RHOT1: variants seen among roughly 807,000 people sequenced by gnomAD.
The protein encoded by RHOT1 is mitochondrial Rho GTPase 1.
RHOT1 carries 27 observed loss-of-function variants against 95.3 expected under a neutral mutation model. The ratio of observed to expected loss-of-function variants is 0.28; its 90% confidence interval spans 0.21 to 0.39. RHOT1 has a LOEUF of 0.39. RHOT1 is among the 10% of genes least tolerant of loss of function. The pLI is 1.00. For synonymous variants in RHOT1, 227 were observed against 263.5 expected (o/e 0.86, Z 1.34); for missense variants, 578 against 786.7 (o/e 0.73, Z 3.17).
intron 19 of RHOT1, among the ~76,000 whole-genome samples, chr17:32,223,794 G>C (rs554238595): frequency 1.1e-4 from 16 of 152,276 alleles, no homozygotes; most frequent in Non-Finnish European, 1.8e-4. Context: ...AAAATGTTCT[G>C]ACCTTTTCTT....
intron 8 of RHOT1, among the ~76,000 whole-genome samples, chr17:32,183,877 G>T (rs1488581998): frequency 6.6e-6 from 1 of 152,018 alleles, no homozygotes; most frequent in Non-Finnish European, 1.5e-5. Context: ...GTAGAGACAG[G>T]GTTTCACCAT....
chr17:32,189,245 G>T (rs1310869737), intron 8 of RHOT1, among the ~76,000 whole-genome samples: 1 of 152,120 alleles, frequency 6.6e-6, no homozygotes, highest in Non-Finnish European at 1.5e-5. Context: ...CTTGCAGTGA[G>T]CCGAGATCGT....
chr17:32,180,693 A>T lies in RHOT1; in HGVS notation c.330-2064A>T, dbSNP rs540666121. Among the ~76,000 whole-genome samples, 190 of 145,802 alleles carry T rather than the reference A, an allele frequency of 1.3e-3. 2 individuals are homozygous for T. The highest frequency in any genetic ancestry group is 0.01 in the Middle Eastern group (3 of 294). On this transcript the variant is annotated intron_variant, in intron 6 of 19. Coordinates refer to ENST00000545287, the MANE Select transcript of RHOT1 (RefSeq NM_001033566.3). ...AATAATAAATGCTTATTTTTGTTTT[A>T]AGCCAAAAAAAAAAAAAAAAAAAAG...
At chr17:32,215,068 G>A (rs537460587) in intron 19 of RHOT1, among the ~76,000 whole-genome samples, 8 of 151,714 alleles carry the variant, frequency 5.3e-5, no homozygotes, top group African/African-American at 1.5e-4. Flanking sequence ...CACTTTGCCC[G>A]GCTAATTTTT....
At chr17:32,220,476 C>A (rs1039209443) in intron 19 of RHOT1, among the ~76,000 whole-genome samples, 1 of 152,104 alleles carries the variant, frequency 6.6e-6, no homozygotes, top group Non-Finnish European at 1.5e-5. Flanking sequence ...CCTTATAACA[C>A]GTGTGAAAAA....
chr17:32,149,915 A>G (rs1376560840), intron 1 of RHOT1, among the ~76,000 whole-genome samples: 1 of 151,722 alleles, frequency 6.6e-6, no homozygotes, highest in Non-Finnish European at 1.5e-5. Context: ...TGCCTGGCTA[A>G]TTCTTTGTAT....
At position 32,224,616 on chromosome 17, in the gene RHOT1, G is replaced by A; in HGVS notation, c.1863G>A (p.Arg621=). 1 of 1,605,904 alleles carries A rather than the reference G, an allele frequency of 6.2e-7. No individual in the cohort carries two copies. Among genetic ancestry groups the A allele is most frequent in the Non-Finnish European group, 8.5e-7 (1 of 1,173,730 alleles). ...TAATAATTATATTTTCTGACTGCAG[G>A]CACGTGACACAAGCTGACCTCAAGA... ...KNKIFTAVLN[R]HVTQADLKSS... Residue 621 remains arginine, a splice_region_variant and synonymous_variant, in exon 20 of 20, where the codon AGG becomes AGA. Coordinates refer to ENST00000545287, the MANE Select transcript of RHOT1 (RefSeq NM_001033566.3).
chr17:32,182,922 G>C (rs941732366), intron 7 of RHOT1, 57 bp downstream of exon 7: 80 of 1,101,566 alleles, frequency 7.3e-5, no homozygotes, highest in Non-Finnish European at 1.0e-4. Flanking sequence ...ACTAAATTCG[G>C]GTTTTAAATA....
At chr17:32,194,999 G>T (rs1442961439) in intron 11 of RHOT1, among the ~76,000 whole-genome samples, 2 of 151,462 alleles carry the variant, frequency 1.3e-5, no homozygotes, top group Non-Finnish European at 2.9e-5. Flanking sequence ...CTAATTTTTT[G>T]TATATTTAGT....
chr17:32,176,058 T>TAA, intron 5 of RHOT1, 43 bp downstream of exon 5: 1 of 1,582,108 alleles, frequency 6.3e-7, no homozygotes, highest in South Asian at 1.1e-5. Context: ...TTCAGTGGAG[T>TAA]GCTTCCAAAG....
chr17:32,195,272 C>A (rs1326146616), intron 11 of RHOT1, among the ~76,000 whole-genome samples: 1 of 151,602 alleles, frequency 6.6e-6, no homozygotes, highest in East Asian at 1.9e-4. Context: ...TTTTTTCTTT[C>A]TTTCTTTGTT....
intron 1 of RHOT1, among the ~76,000 whole-genome samples, chr17:32,163,195 G>C (rs1240922511): frequency 1.3e-5 from 2 of 152,140 alleles, no homozygotes; most frequent in Non-Finnish European, 2.9e-5. Flanking sequence ...AAATGGACCA[G>C]CATTTATATT....
Position 32,224,660 on chromosome 17 carries a change from G to T in RHOT1, c.1907G>T (p.Arg636Leu). ...ADLKSSTFWL[R>L]ASFGATVFAV... ...CTCAAGAGCTCCACGTTTTGGCTTC[G>T]AGCAAGTTTTGGTGCTACTGTTTTT... Residue 636 changes from arginine to leucine, a missense_variant, in exon 20 of 20, where the codon CGA becomes CTA. Physicochemically the swap from Arg to Leu is moderately radical, Grantham distance 102. Coordinates refer to ENST00000545287, the MANE Select transcript of RHOT1 (RefSeq NM_001033566.3). 1 of 1,613,562 alleles carries T rather than the reference G, an allele frequency of 6.2e-7. No individual in the cohort carries two copies. Among genetic ancestry groups the T allele is most frequent in the South Asian group, 1.1e-5 (1 of 91,018 alleles).
chr17:32,172,005 T>A (rs2034615644), intron 2 of RHOT1, among the ~76,000 whole-genome samples: 1 of 152,196 alleles, frequency 6.6e-6, no homozygotes, highest in Non-Finnish European at 1.5e-5. Context: ...TAGCATATAG[T>A]TATAGGGAAT....
chr17:32,158,017 T>G (rs1567658781), intron 1 of RHOT1, among the ~76,000 whole-genome samples: 2 of 152,092 alleles, frequency 1.3e-5, no homozygotes, highest in African/African-American at 2.4e-5. Flanking sequence ...ATCCAGGCCC[T>G]GCTAGTTTTT....
chr17:32,200,746 C>T (rs572244915), intron 13 of RHOT1, among the ~76,000 whole-genome samples: 1 of 148,606 alleles, frequency 6.7e-6, no homozygotes, highest in East Asian at 2.0e-4. Flanking sequence ...TGCACTCTAG[C>T]GTGGATGACA....
chr17:32,191,098 A>G (rs2036459476), intron 8 of RHOT1, among the ~76,000 whole-genome samples: 1 of 151,932 alleles, frequency 6.6e-6, no homozygotes, highest in Non-Finnish European at 1.5e-5. Context: ...CCCAGCCTCA[A>G]ATGCTTTCTA....
chr17:32,210,471 A>G (rs2038052156), intron 18 of RHOT1, among the ~76,000 whole-genome samples: 1 of 152,194 alleles, frequency 6.6e-6, no homozygotes. Flanking sequence ...ACTGTCATAT[A>G]TAGCTGCTGT....
At chr17:32,209,618 T>G (rs2037990287) in intron 18 of RHOT1, 2 of 496,042 alleles carry the variant, frequency 4.0e-6, no homozygotes, top group Non-Finnish European at 7.3e-6. Flanking sequence ...TACATAAATG[T>G]ACTTCTTTAA....
Sources: allele counts gnomAD v4.1 joint callset (sites outside exome capture counted in the v4.1 genomes callset), GRCh38; gene constraint gnomAD v4.1.1; transcripts MANE v1.5; gene names NCBI Gene and HGNC (gene_info 2026-07-23, HGNC 2026-07-21).